ITPR1: variants seen among roughly 807,000 people sequenced by gnomAD.
ITPR1 encodes inositol 1,4,5-trisphosphate receptor type 1, also known as inositol 1,4,5-trisphosphate-gated calcium channel ITPR1.
In ITPR1, 96 loss-of-function variants were observed where a neutral mutation model predicts 318.4. That is an observed-to-expected ratio of 0.30 (90% CI 0.26 to 0.36). ITPR1 has a LOEUF of 0.36. Ranked by LOEUF, ITPR1 falls within the 10% of genes least tolerant of loss-of-function variation. The pLI is 1.00. For missense variants in ITPR1, 2,440 were observed against 3,460.2 expected (o/e 0.71, Z 7.40); for synonymous variants, 1,312 against 1,289.9 (o/e 1.02, Z -0.37).
At chr3:4,668,541 C>T (rs539897219) in intron 18 of ITPR1, among the ~76,000 whole-genome samples, 1 of 152,124 alleles carries the variant, frequency 6.6e-6, no homozygotes, top group African/African-American at 2.4e-5. Context: ...GATCTCAGCT[C>T]ACTGCAACCT....
At chr3:4,513,076 G>C (rs1474081062) in intron 2 of ITPR1, among the ~76,000 whole-genome samples, 1 of 152,152 alleles carries the variant, frequency 6.6e-6, no homozygotes, top group Non-Finnish European at 1.5e-5. Context: ...CCTGAGTGCA[G>C]CTGCTAGAAG....
chr3:4,741,495 A>C (rs1442888458), intron 44 of ITPR1, among the ~76,000 whole-genome samples: 1 of 152,092 alleles, frequency 6.6e-6, no homozygotes, highest in Non-Finnish European at 1.5e-5. Flanking sequence ...TGGCCTGCAA[A>C]TTCAGCAGAG....
chr3:4,658,362 C>A, intron 13 of ITPR1, 84 bp downstream of exon 13: 1 of 1,152,868 alleles, frequency 8.7e-7, no homozygotes, highest in Admixed American at 2.4e-5. Flanking sequence ...CAAATCGTTA[C>A]TGCCTTTTCT....
chr3:4,732,787 C>G (rs2043016563), intron 42 of ITPR1, among the ~76,000 whole-genome samples: 1 of 152,130 alleles, frequency 6.6e-6, no homozygotes. Flanking sequence ...CAACTTACCC[C>G]AAAGAGATTT....
intron 60 of ITPR1, among the ~76,000 whole-genome samples, chr3:4,830,369 TGGAGGGTTTAG>T (rs2050394062): frequency 6.6e-6 from 1 of 152,184 alleles, no homozygotes; most frequent in Non-Finnish European, 1.5e-5. Flanking sequence ...TTTTTGTTTT[TGGAGGGTTTAG>T]GTTTCATTTT....
At chr3:4,639,549 G>C (rs1335781302) in intron 6 of ITPR1, 79 bp downstream of exon 6, 6 of 1,051,126 alleles carry the variant, frequency 5.7e-6, no homozygotes, top group African/African-American at 3.2e-5. Flanking sequence ...CCTAAGACAG[G>C]GTTTGGACAC....
At chr3:4,617,997 A>T (rs1384014273) in intron 4 of ITPR1, among the ~76,000 whole-genome samples, 1 of 152,128 alleles carries the variant, frequency 6.6e-6, no homozygotes, top group Middle Eastern at 3.4e-3. Context: ...TCAAAAAAAA[A>T]AAAAAAAGTT....
At chr3:4,603,490 T>A (rs909549529) in intron 4 of ITPR1, among the ~76,000 whole-genome samples, 1 of 152,024 alleles carries the variant, frequency 6.6e-6, no homozygotes, top group Non-Finnish European at 1.5e-5. Flanking sequence ...AGTGCAGTGG[T>A]GCAATCTCGG....
At chr3:4,499,937 C>T (rs759069685) in intron 2 of ITPR1, among the ~76,000 whole-genome samples, 7 of 152,138 alleles carry the variant, frequency 4.6e-5, no homozygotes, top group Admixed American at 2.0e-4. Context: ...GTAAACTTTG[C>T]TTAGGTGGGT....
intron 20 of ITPR1, among the ~76,000 whole-genome samples, chr3:4,672,325 T>C (rs1284547817): frequency 6.6e-6 from 1 of 152,250 alleles, no homozygotes; most frequent in African/African-American, 2.4e-5. Context: ...GCTTTTTAAT[T>C]TTTGGTAATT....
At chr3:4,799,229 T>G (rs73807156) in intron 53 of ITPR1, among the ~76,000 whole-genome samples, 5,188 of 152,266 alleles carry the variant, frequency 0.034, 276 homozygotes, top group African/African-American at 0.11. Flanking sequence ...TAAATGATCA[T>G]CAACATCAAG....
Position 4,560,001 on chromosome 3 carries a change from G to A in ITPR1, c.163+38907G>A, listed in dbSNP as rs1249429928. Reference sequence around the variant, plus strand: ...TTGACTCTGGCTCTCCCACTAAATAGCTCTGTGACTTTGGGTGACTTGCTT... The same window carrying A: ...TTGACTCTGGCTCTCCCACTAAATAACTCTGTGACTTTGGGTGACTTGCTT... On this transcript the variant is annotated intron_variant, in intron 4 of 61. Coordinates refer to ENST00000649015, the MANE Select transcript of ITPR1 (RefSeq NM_001378452.1). 2.6e-5 allele frequency among the ~76,000 whole-genome samples: 4 copies of A among 152,250 alleles called. No homozygotes were observed. The East Asian group carries it at 7.7e-4, about 29-fold the overall frequency.
At chr3:4,539,694 A>G (rs1176191061) in intron 4 of ITPR1, among the ~76,000 whole-genome samples, 2 of 152,134 alleles carry the variant, frequency 1.3e-5, no homozygotes, top group Non-Finnish European at 2.9e-5. Flanking sequence ...TAATGGATTT[A>G]ATGGGTTAAT....
chr3:4,831,376 G>C, intron 60 of ITPR1: 1 of 251,744 alleles, frequency 4.0e-6, no homozygotes, highest in South Asian at 4.7e-5. Flanking sequence ...CACTTGCTGT[G>C]ACGGGAACTG....
chr3:4,495,652 A>G (rs1022124849), intron 2 of ITPR1, among the ~76,000 whole-genome samples: 3 of 152,254 alleles, frequency 2.0e-5, no homozygotes, highest in African/African-American at 7.2e-5. Flanking sequence ...TAAGATGGAC[A>G]CATTAAGTAC....
chr3:4,785,304 A>G (rs1332231705), intron 51 of ITPR1, among the ~76,000 whole-genome samples: 1 of 152,242 alleles, frequency 6.6e-6, no homozygotes, highest in Non-Finnish European at 1.5e-5. Flanking sequence ...ACTGTCTTTC[A>G]GAATCCAAGA....
At chr3:4,811,845 TATG>T (rs1449355451) in intron 56 of ITPR1, among the ~76,000 whole-genome samples, 1 of 152,126 alleles carries the variant, frequency 6.6e-6, no homozygotes, top group Non-Finnish European at 1.5e-5. Context: ...AACAGACATA[TATG>T]GGAGAACGTT....
chr3:4,768,071 A>G (rs1354075379), intron 45 of ITPR1, among the ~76,000 whole-genome samples: 1 of 152,230 alleles, frequency 6.6e-6, no homozygotes, highest in Non-Finnish European at 1.5e-5. Context: ...TAACACACAC[A>G]AAGTTCTTCA....
chr3:4,775,018 C>A lies in ITPR1; in HGVS notation c.5980-224C>A, dbSNP rs371634836. 8.5e-5 allele frequency among the ~76,000 whole-genome samples: 13 copies of A among 152,342 alleles called. 1 individual carries two copies. Among genetic ancestry groups the A allele is most frequent in the Admixed American group, 1.3e-4 (2 of 15,308 alleles). On this transcript the variant is annotated intron_variant, in intron 46 of 61. Transcript: ENST00000649015. Reference sequence around the variant, plus strand: ...AACTGCACTGCATTCCATATACTTACACCTTGGAGAGCAGGTTGCATTGTT... The same window carrying A: ...AACTGCACTGCATTCCATATACTTAAACCTTGGAGAGCAGGTTGCATTGTT...
Sources: allele counts gnomAD v4.1 joint callset (sites outside exome capture counted in the v4.1 genomes callset), GRCh38; gene constraint gnomAD v4.1.1; transcripts MANE v1.5; gene names NCBI Gene and HGNC (gene_info 2026-07-23, HGNC 2026-07-21).